The following LRP1B variants were observed in gnomAD, a reference collection of about 807,000 sequenced individuals.
LRP1B encodes low-density lipoprotein receptor-related protein 1B.
Under a neutral mutation model 556.6 loss-of-function variants are expected in LRP1B, and 217 were observed. The observed-to-expected ratio is 0.39, with a 90% CI of 0.35 to 0.44. The LOEUF (loss-of-function observed/expected upper bound fraction) is 0.44, where lower values mean the gene tolerates loss of function less well. Ranked by LOEUF, LRP1B falls within the 20% of genes least tolerant of loss-of-function variation. LRP1B has a pLI of 1.00. For synonymous variants in LRP1B, 2,047 were observed against 1,865.8 expected, an observed-to-expected ratio of 1.10 and a Z score of -2.50; for missense variants, 5,053 against 5,620.8, an observed-to-expected ratio of 0.90 and a Z score of 3.23.
chr2:141,190,511 T>A (rs909741588), intron 6 of LRP1B, among the ~76,000 whole-genome samples: 2 of 151,978 alleles, frequency 1.3e-5, no homozygotes, highest in Non-Finnish European at 2.9e-5. Context: ...ATTCAAAGGT[T>A]ATGGTTTTAT....
chr2:141,923,570 T>C (rs1411519458), intron 1 of LRP1B, among the ~76,000 whole-genome samples: 2 of 149,716 alleles, frequency 1.3e-5, no homozygotes, highest in Non-Finnish European at 3.0e-5. Context: ...CCAAAGCAAA[T>C]TTCCAGTTGC....
intron 3 of LRP1B, among the ~76,000 whole-genome samples, chr2:141,328,060 T>C (rs1489480079): frequency 2.0e-5 from 3 of 152,070 alleles, no homozygotes; most frequent in East Asian, 3.8e-4. Context: ...AAAAGAAAAA[T>C]TGTCATCCAG....
chr2:140,831,696 C>T (rs941908969), intron 31 of LRP1B, among the ~76,000 whole-genome samples: 14 of 152,106 alleles, frequency 9.2e-5, no homozygotes, highest in African/African-American at 3.4e-4. Flanking sequence ...AAAAAGGTTT[C>T]TGCACAGCAA....
At chr2:141,385,323 C>A (rs191884855) in intron 3 of LRP1B, among the ~76,000 whole-genome samples, 39 of 152,066 alleles carry the variant, frequency 2.6e-4, no homozygotes, top group African/African-American at 8.2e-4. Context: ...GTATTCTTGA[C>A]CTAAAAATCT....
chr2:140,666,562 T>A (rs893801130), intron 41 of LRP1B, among the ~76,000 whole-genome samples: 1 of 152,174 alleles, frequency 6.6e-6, no homozygotes, highest in African/African-American at 2.4e-5. Context: ...AATAAAAAGA[T>A]GAAAAGGAAG....
chr2:141,642,118 A>T (rs2105365959), intron 2 of LRP1B, among the ~76,000 whole-genome samples: 1 of 152,308 alleles, frequency 6.6e-6, no homozygotes, highest in South Asian at 2.1e-4. Context: ...AAAAATATGC[A>T]TCCAAATATC....
intron 84 of LRP1B, among the ~76,000 whole-genome samples, chr2:140,290,083 T>C (rs1422162347): frequency 6.6e-6 from 1 of 152,052 alleles, no homozygotes; most frequent in Non-Finnish European, 1.5e-5. Context: ...CTGAATTCAC[T>C]TGCAAGATTG....
intron 20 of LRP1B, among the ~76,000 whole-genome samples, chr2:140,934,080 G>A (rs1695132845): frequency 6.6e-6 from 1 of 151,926 alleles, no homozygotes; most frequent in Admixed American, 6.6e-5. Flanking sequence ...AGTTGAGCCA[G>A]ACAGTTTGTA....
intron 2 of LRP1B, among the ~76,000 whole-genome samples, chr2:141,698,493 TA>T (rs34461101): frequency 0.05 from 6,991 of 139,904 alleles, 175 homozygotes; most frequent in East Asian, 0.098. Flanking sequence ...GTTGTACACT[TA>T]AAAAAAAAAA....
intron 84 of LRP1B, among the ~76,000 whole-genome samples, chr2:140,281,094 A>G (rs977386707): frequency 2.0e-5 from 3 of 151,910 alleles, no homozygotes; most frequent in African/African-American, 7.2e-5. Context: ...AAGGGAGATC[A>G]TTATTGCACA....
chr2:141,881,766 A>T (rs1040528653), intron 1 of LRP1B, among the ~76,000 whole-genome samples: 7 of 152,142 alleles, frequency 4.6e-5, no homozygotes, highest in Non-Finnish European at 5.9e-5. Flanking sequence ...CCTACAATTA[A>T]TTGCAAAGTT....
chr2:141,272,468 T>C (rs1017470200), intron 3 of LRP1B, among the ~76,000 whole-genome samples: 3 of 152,154 alleles, frequency 2.0e-5, no homozygotes, highest in Admixed American at 2.0e-4. Context: ...AATTGGACTC[T>C]ATCAATAATG....
intron 41 of LRP1B, among the ~76,000 whole-genome samples, chr2:140,655,951 C>CAAAAAAAAAAAAAAAAAAAAAAA (rs1286848376): frequency 1.3e-5 from 2 of 148,836 alleles, no homozygotes; most frequent in African/African-American, 2.5e-5. Context: ...TCAAAAAAAA[C>CAAAAAAAAAAAAAAAAAAAAAAA]AAAAAAAGAA....
intron 1 of LRP1B, among the ~76,000 whole-genome samples, chr2:141,950,526 C>A (rs983706618): frequency 6.6e-6 from 1 of 152,064 alleles, no homozygotes; most frequent in Non-Finnish European, 1.5e-5. Context: ...ATTATATAGT[C>A]TTTGAGAATG....
intron 15 of LRP1B, among the ~76,000 whole-genome samples, chr2:141,000,579 C>A (rs566791263): frequency 6.6e-6 from 1 of 152,022 alleles, no homozygotes; most frequent in Non-Finnish European, 1.5e-5. Context: ...AGTGTATACC[C>A]CAGTGAGCCT....
chr2:141,275,969 A>C (rs2105377019), intron 3 of LRP1B, among the ~76,000 whole-genome samples: 1 of 152,306 alleles, frequency 6.6e-6, no homozygotes, highest in East Asian at 1.9e-4. Context: ...TGATTAAGTT[A>C]AAAATATAAA....
chr2:140,339,940 A>G (rs1362097045), intron 77 of LRP1B, among the ~76,000 whole-genome samples: 1 of 151,644 alleles, frequency 6.6e-6, no homozygotes, highest in African/African-American at 2.4e-5. Context: ...GGCTGCAATG[A>G]TCTACATTAG....
chr2:141,445,068 T>C (rs1299526742), intron 3 of LRP1B, among the ~76,000 whole-genome samples: 1 of 152,240 alleles, frequency 6.6e-6, no homozygotes, highest in Non-Finnish European at 1.5e-5. Flanking sequence ...GGACTTGTTT[T>C]GGTTGGTAGG....
chr2:141,584,752 C>T (rs1213949579), intron 2 of LRP1B, among the ~76,000 whole-genome samples: 1 of 152,064 alleles, frequency 6.6e-6, no homozygotes, highest in Non-Finnish European at 1.5e-5. Context: ...ATGGATGACT[C>T]TTGAGGACGT....
Sources: gnomAD v4.1 joint callset for allele counts (sites outside exome capture counted in the v4.1 genomes callset) on GRCh38, gnomAD v4.1.1 for gene constraint, MANE v1.5 for transcripts, NCBI Gene and HGNC (gene_info 2026-07-23, HGNC 2026-07-21) for gene names.